UHRF2: variants seen among roughly 807,000 people sequenced by gnomAD.
UHRF2 encodes the protein E3 ubiquitin-protein ligase UHRF2.
UHRF2 carries 23 observed loss-of-function variants against 96.8 expected under a neutral mutation model. That is an observed-to-expected ratio of 0.24 (90% CI 0.17 to 0.34). The LOEUF (loss-of-function observed/expected upper bound fraction) is 0.34. Among genes scored for constraint, UHRF2 ranks in the 10% least tolerant of loss-of-function variants. UHRF2 has a pLI of 1.00. For synonymous variants in UHRF2, 385 were observed against 332.6 expected, an observed-to-expected ratio of 1.16 and a Z score of -1.72; for missense variants, 685 against 981.5, an observed-to-expected ratio of 0.70 and a Z score of 4.04.
At chr9:6,427,370 T>C (rs892899723) in intron 2 of UHRF2, among the ~76,000 whole-genome samples, 1 of 152,124 alleles carries the variant, frequency 6.6e-6, no homozygotes, top group Non-Finnish European at 1.5e-5. Context: ...CTGGCATAGG[T>C]AAACATTTAA....
intron 1 of UHRF2, among the ~76,000 whole-genome samples, chr9:6,417,820 C>G (rs1015090475): frequency 3.3e-5 from 5 of 152,072 alleles, no homozygotes; most frequent in Non-Finnish European, 7.4e-5. Context: ...TTAAAAAGCA[C>G]CAGTTGAAAC....
At chr9:6,446,644 G>A (rs1032339084) in intron 3 of UHRF2, among the ~76,000 whole-genome samples, 15 of 151,566 alleles carry the variant, frequency 9.9e-5, no homozygotes, top group Non-Finnish European at 1.9e-4. Context: ...GGGACGACAG[G>A]CGTTTGAGAC....
intron 1 of UHRF2, among the ~76,000 whole-genome samples, chr9:6,417,046 A>C (rs1465142074): frequency 6.6e-6 from 1 of 152,180 alleles, no homozygotes; most frequent in Non-Finnish European, 1.5e-5. Context: ...TATATGATGT[A>C]TATAACATAT....
intron 6 of UHRF2, among the ~76,000 whole-genome samples, chr9:6,478,854 T>C (rs1823749776): frequency 6.6e-6 from 1 of 152,214 alleles, no homozygotes; most frequent in Non-Finnish European, 1.5e-5. Flanking sequence ...TACCTCCTAC[T>C]ACTACCTCAT....
intron 9 of UHRF2, among the ~76,000 whole-genome samples, chr9:6,487,189 T>TTA (rs1824348071): frequency 7.9e-6 from 1 of 126,914 alleles, no homozygotes; most frequent in African/African-American, 3.1e-5. Context: ...TTCCTTTTTT[T>TTA]TTTTTTTTTT....
At position 6,474,211 on chromosome 9, in the gene UHRF2, A is replaced by C. The variant is rs371845988; in HGVS notation, c.864-1180A>C. The stretch of plus-strand genomic sequence containing the variant: ...ATGTTGATAATTGGTTAAGCTATGC[A>C]TTTATGCAGTTTTTTGCATTTGTGT... On this transcript the variant is annotated intron_variant, in intron 4 of 15. Coordinates refer to ENST00000276893, the MANE Select transcript of UHRF2 (RefSeq NM_152896.3). Among the ~76,000 whole-genome samples, 157 of 152,334 alleles carry C rather than the reference A, an allele frequency of 1.0e-3. 3 individuals are homozygous for C. The South Asian group carries it at 0.031, about 30-fold the overall frequency.
intron 1 of UHRF2, chr9:6,415,362 G>C (rs1390128495): frequency 1.3e-5 from 2 of 152,254 alleles, no homozygotes; most frequent in Non-Finnish European, 2.9e-5. Flanking sequence ...CAGTAGGGTA[G>C]AGGAATAGAC....
chr9:6,488,789 A>G (rs116779021), intron 9 of UHRF2, among the ~76,000 whole-genome samples: 72 of 148,808 alleles, frequency 4.8e-4, no homozygotes, highest in African/African-American at 1.7e-3. Flanking sequence ...GGCATGAGCT[A>G]CCGTGCTGAG....
At chr9:6,463,786 T>C (rs545038019) in intron 4 of UHRF2, among the ~76,000 whole-genome samples, 5 of 152,296 alleles carry the variant, frequency 3.3e-5, no homozygotes, top group Non-Finnish European at 7.4e-5. Context: ...AAATTTTTTT[T>C]TTTAATGATT....
chr9:6,483,832 G>A (rs1281858883), intron 8 of UHRF2, among the ~76,000 whole-genome samples: 2 of 152,088 alleles, frequency 1.3e-5, no homozygotes, highest in African/African-American at 4.8e-5. Context: ...TGGGATTACA[G>A]GCATGCACCA....
At chr9:6,447,014 A>G (rs1821555946) in intron 3 of UHRF2, among the ~76,000 whole-genome samples, 1 of 151,838 alleles carries the variant, frequency 6.6e-6, no homozygotes, top group Non-Finnish European at 1.5e-5. Context: ...TCAGCCTCCC[A>G]AGTAGCTGGG....
chr9:6,451,639 C>T (rs1821872577), intron 3 of UHRF2, among the ~76,000 whole-genome samples: 1 of 151,804 alleles, frequency 6.6e-6, no homozygotes, highest in African/African-American at 2.4e-5. Flanking sequence ...CGCCACCACT[C>T]CCGGCTAATT....
chr9:6,431,286 T>G (rs1008591457), intron 2 of UHRF2, among the ~76,000 whole-genome samples: 1 of 152,154 alleles, frequency 6.6e-6, no homozygotes, highest in Non-Finnish European at 1.5e-5. Flanking sequence ...CAATACTTAG[T>G]AGGGTACTTA....
chr9:6,421,982 C>T (rs557071599), intron 2 of UHRF2, among the ~76,000 whole-genome samples: 8 of 152,186 alleles, frequency 5.3e-5, no homozygotes, highest in Admixed American at 1.3e-4. Flanking sequence ...TAACATACCG[C>T]GGTATATTTA....
chr9:6,451,155 A>T (rs1279384267), intron 3 of UHRF2, among the ~76,000 whole-genome samples: 2 of 152,178 alleles, frequency 1.3e-5, no homozygotes, highest in Non-Finnish European at 2.9e-5. Context: ...CATATTGCAA[A>T]CAATAGGACT....
intron 2 of UHRF2, among the ~76,000 whole-genome samples, chr9:6,433,533 T>C (rs1009494984): frequency 6.6e-6 from 1 of 152,330 alleles, no homozygotes; most frequent in Non-Finnish European, 1.5e-5. Flanking sequence ...ATGAAGAAAT[T>C]AATGGAACAG....
intron 5 of UHRF2, among the ~76,000 whole-genome samples, chr9:6,476,563 T>A (rs1022276511): frequency 6.6e-6 from 1 of 152,132 alleles, no homozygotes; most frequent in Non-Finnish European, 1.5e-5. Context: ...AGATTCTAGG[T>A]CTTTTAATTC....
intron 4 of UHRF2, among the ~76,000 whole-genome samples, chr9:6,467,648 A>G (rs371571470): frequency 8.0e-5 from 9 of 112,662 alleles, no homozygotes; most frequent in Non-Finnish European, 1.2e-4. Context: ...ATAAAAATGT[A>G]TCTTAAATTT....
At chr9:6,466,286 C>G (rs965529126) in intron 4 of UHRF2, among the ~76,000 whole-genome samples, 1 of 152,038 alleles carries the variant, frequency 6.6e-6, no homozygotes, top group African/African-American at 2.4e-5. Flanking sequence ...GCCTGTAATC[C>G]CAGCACTTTG....
Sources: gnomAD v4.1 joint callset for allele counts (sites outside exome capture counted in the v4.1 genomes callset) on GRCh38, gnomAD v4.1.1 for gene constraint, MANE v1.5 for transcripts, NCBI Gene and HGNC (gene_info 2026-07-23, HGNC 2026-07-21) for gene names.